SPOCK3: variants seen among roughly 807,000 people sequenced by gnomAD.
The protein encoded by SPOCK3 is SPARC (osteonectin), cwcv and kazal like domains proteoglycan 3, also known as testican-3.
SPOCK3 carries 30 observed loss-of-function variants against 56.6 expected under a neutral mutation model. The observed-to-expected ratio is 0.53, with a 90% CI of 0.40 to 0.72. The LOEUF (loss-of-function observed/expected upper bound fraction) is 0.72. Ranked by LOEUF, SPOCK3 falls within the 30% of genes least tolerant of loss-of-function variation. The pLI is 0.00. For missense variants in SPOCK3, 527 were observed against 530.0 expected, an observed-to-expected ratio of 0.99 and a Z score of 0.06; for synonymous variants, 196 against 183.3, an observed-to-expected ratio of 1.07 and a Z score of -0.56.
At chr4:166,765,128 A>G (rs1737823861) in intron 7 of SPOCK3, among the ~76,000 whole-genome samples, 1 of 152,050 alleles carries the variant, frequency 6.6e-6, no homozygotes, top group Non-Finnish European at 1.5e-5. Context: ...ATTTTCTCCC[A>G]TTCTGTAGGT....
intron 4 of SPOCK3, among the ~76,000 whole-genome samples, chr4:166,968,256 A>T (rs1192182481): frequency 6.6e-6 from 1 of 152,050 alleles, no homozygotes. Context: ...GAAAAGAAAA[A>T]CTCATTTTCT....
rs1490708028 is a variant in SPOCK3, at chr4:166,737,321, T to A, written c.1132+146A>T. ...AAGTTTTTAACATGCTAGGAGTAAG[T>A]TTTTTTTGTCACTCCCTCCACCCTA... is the stretch of plus-strand genomic sequence containing the variant. On this transcript the variant is annotated intron_variant, in intron 10 of 10. Transcript: ENST00000357545. 4.1e-5 allele frequency: 32 copies of A among 774,370 alleles called. 1 individual carries two copies. The highest frequency in any genetic ancestry group is 5.8e-5 in the Non-Finnish European group (30 of 519,764). The allele number at this position is 774,370 out of a possible 1,614,324, so 48.0% of individuals were successfully genotyped here. A position where few individuals can be genotyped will look rare whatever the true frequency, so the allele number is the denominator to read the frequency against.
At chr4:167,189,696 C>T (rs1224899791) in intron 2 of SPOCK3, among the ~76,000 whole-genome samples, 2 of 140,314 alleles carry the variant, frequency 1.4e-5, no homozygotes, top group Non-Finnish European at 3.0e-5. Flanking sequence ...TTATTAACTA[C>T]AGTCACACTC....
intron 2 of SPOCK3, among the ~76,000 whole-genome samples, chr4:167,212,487 C>T (rs989943013): frequency 7.2e-5 from 11 of 152,140 alleles, no homozygotes; most frequent in South Asian, 4.1e-4. Context: ...ATGATCCACC[C>T]GCCTCGGCCT....
chr4:166,810,351 T>A (rs1200787805), intron 6 of SPOCK3, among the ~76,000 whole-genome samples: 1 of 152,116 alleles, frequency 6.6e-6, no homozygotes, highest in Non-Finnish European at 1.5e-5. Flanking sequence ...ACATACCACC[T>A]AACTCGGTTA....
At chr4:167,075,208 C>A (rs1757069589) in intron 2 of SPOCK3, among the ~76,000 whole-genome samples, 1 of 151,238 alleles carries the variant, frequency 6.6e-6, no homozygotes, top group African/African-American at 2.4e-5. Flanking sequence ...AAACCTTTTA[C>A]AAAATACAAG....
intron 6 of SPOCK3, among the ~76,000 whole-genome samples, chr4:166,872,388 C>A (rs934641536): frequency 3.3e-5 from 5 of 151,994 alleles, no homozygotes; most frequent in Non-Finnish European, 7.4e-5. Flanking sequence ...ATAAAGTGAG[C>A]CTCCTAAACA....
At chr4:166,866,459 C>A (rs1486552479) in intron 6 of SPOCK3, among the ~76,000 whole-genome samples, 2 of 152,104 alleles carry the variant, frequency 1.3e-5, no homozygotes, top group Non-Finnish European at 2.9e-5. Flanking sequence ...AGAGCTTCTG[C>A]ACAGCAAAAG....
intron 6 of SPOCK3, among the ~76,000 whole-genome samples, chr4:166,816,213 T>C (rs1744359838): frequency 6.6e-6 from 1 of 152,116 alleles, no homozygotes; most frequent in African/African-American, 2.4e-5. Flanking sequence ...AGCCCCTGTT[T>C]TGCTAAAAAT....
At chr4:167,167,199 CA>C (rs1482755391) in intron 2 of SPOCK3, among the ~76,000 whole-genome samples, 1 of 151,868 alleles carries the variant, frequency 6.6e-6, no homozygotes, top group Middle Eastern at 3.2e-3. Context: ...ATCAATAATC[CA>C]AGAAACAAGC....
intron 2 of SPOCK3, among the ~76,000 whole-genome samples, chr4:167,196,591 A>G (rs1158445504): frequency 1.8e-4 from 27 of 152,156 alleles, no homozygotes; most frequent in Admixed American, 1.8e-3. Flanking sequence ...TTACAAGATG[A>G]ATCATCTGTC....
intron 4 of SPOCK3, among the ~76,000 whole-genome samples, chr4:166,994,246 G>A (rs1748118807): frequency 6.6e-6 from 1 of 152,124 alleles, no homozygotes; most frequent in Non-Finnish European, 1.5e-5. Context: ...CATGGATGAA[G>A]TAGTTCTAAT....
chr4:167,169,843 T>C (rs1192216480), intron 2 of SPOCK3, among the ~76,000 whole-genome samples: 1 of 152,100 alleles, frequency 6.6e-6, no homozygotes, highest in Non-Finnish European at 1.5e-5. Flanking sequence ...TGAGGTGGTT[T>C]TCCCCCATAC....
At position 167,105,787 on chromosome 4, in the gene SPOCK3, G is replaced by A. The variant is rs922302210; in HGVS notation, c.190-43250C>T. On this transcript the variant is annotated intron_variant, in intron 2 of 10. Coordinates refer to ENST00000357545, the MANE Select transcript of SPOCK3 (RefSeq NM_001040159.2). ...AAGACACATATAGATTGAAGATAAA[G>A]GGGTGAAAAAAGATATTTCATGCCA... 4.0e-5 allele frequency among the ~76,000 whole-genome samples: 6 copies of A among 151,812 alleles called. 1 individual carries two copies. In the East Asian group the frequency reaches 1.2e-3, roughly 29 times the overall value.
intron 8 of SPOCK3, among the ~76,000 whole-genome samples, chr4:166,751,497 C>A (rs1411500928): frequency 6.6e-6 from 1 of 152,068 alleles, no homozygotes; most frequent in Non-Finnish European, 1.5e-5. Context: ...TATTTGAAGA[C>A]AGAAATCAAG....
At chr4:166,982,783 T>G (rs554684171) in intron 4 of SPOCK3, among the ~76,000 whole-genome samples, 2 of 152,136 alleles carry the variant, frequency 1.3e-5, no homozygotes, top group Non-Finnish European at 2.9e-5. Flanking sequence ...CATGTAAAAC[T>G]CAAGCCATAT....
intron 7 of SPOCK3, among the ~76,000 whole-genome samples, chr4:166,769,958 A>G (rs1738704308): frequency 1.3e-5 from 2 of 152,110 alleles, no homozygotes; most frequent in South Asian, 2.1e-4. Flanking sequence ...GTAACGAGTG[A>G]GGCTTCATGT....
intron 2 of SPOCK3, among the ~76,000 whole-genome samples, chr4:167,093,090 T>C (rs1308681722): frequency 6.6e-6 from 1 of 152,192 alleles, no homozygotes; most frequent in African/African-American, 2.4e-5. Context: ...ATTATCAACA[T>C]CACCCACTTT....
At chr4:167,073,656 T>C (rs1163929676) in intron 2 of SPOCK3, among the ~76,000 whole-genome samples, 1 of 151,926 alleles carries the variant, frequency 6.6e-6, no homozygotes, top group East Asian at 1.9e-4. Flanking sequence ...AGACACAAAC[T>C]GAAAGCTGTT....
Sources: allele counts gnomAD v4.1 joint callset (sites outside exome capture counted in the v4.1 genomes callset), GRCh38; gene constraint gnomAD v4.1.1; transcripts MANE v1.5; gene names NCBI Gene and HGNC (gene_info 2026-07-23, HGNC 2026-07-21).